ENOSF1: variants seen among roughly 807,000 people sequenced by gnomAD.
The protein encoded by ENOSF1 is mitochondrial enolase superfamily member 1.
A neutral mutation model predicts 68.2 loss-of-function variants in ENOSF1; 73 were observed. The observed-to-expected ratio is 1.07, with a 90% CI of 0.89 to 1.30. ENOSF1 has a LOEUF of 1.30. ENOSF1 is among the 50% of genes most tolerant of loss of function. The pLI, the probability that ENOSF1 is intolerant of heterozygous loss-of-function variation, is 0.00. For synonymous variants in ENOSF1, 223 were observed against 210.4 expected (o/e 1.06, Z -0.52); for missense variants, 589 against 554.5 (o/e 1.06, Z -0.62).
intron 13 of ENOSF1, 36 bp downstream of exon 13, chr18:677,707 T>G: frequency 6.3e-7 from 1 of 1,593,986 alleles, no homozygotes; most frequent in Non-Finnish European, 8.5e-7. Context: ...AGTGGGGAAA[T>G]GAAGGTCTGG....
At chr18:692,605 AAAAAAG>A in intron 5 of ENOSF1, 7 of 746,002 alleles carry the variant, frequency 9.4e-6, no homozygotes, top group Non-Finnish European at 1.1e-5. Context: ...CTAAAAAAAA[AAAAAAG>A]AAAGAAAGAA....
Position 690,612 on chromosome 18 carries a change from T to C in ENOSF1, c.555A>G (p.Gln185=), listed in dbSNP as rs760767442. 6.2e-7 allele frequency: 1 copy of C among 1,613,648 alleles called. No homozygotes were observed. Residue 185 remains glutamine, a synonymous_variant, in exon 8 of 16, where the codon CAA becomes CAG. Transcript: ENST00000647584. ...ACGATGTCGTGTAAGCAGGGTATCC[T>C]TGTGCCAGCATTTGCTTCTCTGTGA... The part of the protein sequence containing the change: ...KKEREKQMLA[Q]GYPAYTTSCA...
At chr18:705,042 T>C (rs1012829662) in intron 2 of ENOSF1, among the ~76,000 whole-genome samples, 13 of 152,182 alleles carry the variant, frequency 8.5e-5, no homozygotes, top group African/African-American at 1.7e-4. Context: ...GCAGTGTCCA[T>C]TGAAAGTTCA....
chr18:686,353 GA>G (rs1262270404), intron 9 of ENOSF1: 5 of 262,494 alleles, frequency 1.9e-5, no homozygotes, highest in Non-Finnish European at 3.7e-5. Context: ...GAGCGGGGCT[GA>G]AAAGGGGTGC....
intron 11 of ENOSF1, among the ~76,000 whole-genome samples, chr18:679,073 A>G (rs923337983): frequency 3.3e-5 from 5 of 152,204 alleles, no homozygotes; most frequent in African/African-American, 9.6e-5. Flanking sequence ...TGGCATAAGG[A>G]CAGGGCTATT....
At chr18:700,694 G>C (rs966732736) in intron 2 of ENOSF1, among the ~76,000 whole-genome samples, 1 of 151,946 alleles carries the variant, frequency 6.6e-6, no homozygotes, top group Non-Finnish European at 1.5e-5. Context: ...AGATCAACCT[G>C]ATCAACATGG....
At position 690,508 on chromosome 18, in the gene ENOSF1, TC is replaced by T. The variant is rs1321467447; in HGVS notation, c.618+40del. On this transcript the variant is annotated intron_variant, in intron 8 of 15. Coordinates refer to ENST00000647584, the MANE Select transcript of ENOSF1 (RefSeq NM_017512.7). ...ACAGAAGGAAAAACAGGTTGGTTTC[TC>T]CCCATTCAGCTGTCTACAAAGCCAG... The T allele has an allele frequency of 1.9e-6, 3 of 1,611,516 alleles. No homozygotes were observed. In the African/African-American group the frequency reaches 4.0e-5, roughly 22 times the overall value.
Position 670,419 on chromosome 18 carries a change from G to A in ENOSF1, c.*3886C>T, listed in dbSNP as rs1011999244. 1 of 365,472 alleles carries A rather than the reference G, an allele frequency of 2.7e-6. No homozygotes were observed. The highest frequency in any genetic ancestry group is 4.9e-6 in the Non-Finnish European group (1 of 202,034). 22.6% of individuals were successfully genotyped at this position (365,472 alleles called of 1,614,324 possible). On this transcript the variant is annotated 3_prime_UTR_variant, in exon 16 of 16. Coordinates refer to ENST00000647584, the MANE Select transcript of ENOSF1 (RefSeq NM_017512.7). Reference sequence around the variant, plus strand: ...ATTCCTGCTGTATTTGTAATCTGGTGCCACGAGGTAGCCCAGATCCCTTCA... The same window carrying A: ...ATTCCTGCTGTATTTGTAATCTGGTACCACGAGGTAGCCCAGATCCCTTCA...
intron 7 of ENOSF1, 43 bp from the exon 8 acceptor site, chr18:690,674 C>T: frequency 7.4e-7 from 1 of 1,354,598 alleles, no homozygotes; most frequent in Non-Finnish European, 1.0e-6. Flanking sequence ...CTTTCCAGGG[C>T]CCTTCGGAAT....
chr18:696,355 G>A (rs1198339993), intron 3 of ENOSF1, among the ~76,000 whole-genome samples: 1 of 151,886 alleles, frequency 6.6e-6, no homozygotes, highest in Non-Finnish European at 1.5e-5. Context: ...GGGACTATAG[G>A]CGCCCGCCAC....
At chr18:678,364 G>A (rs1220151316) in intron 12 of ENOSF1, 2 of 396,442 alleles carry the variant, frequency 5.0e-6, no homozygotes, top group Non-Finnish European at 9.1e-6. Flanking sequence ...AAAAGTGAAC[G>A]CAGTCATGTT....
chr18:677,737 G>A lies in ENOSF1; in HGVS notation c.1048+6C>T, dbSNP rs191308559. Reference sequence around the variant, plus strand: ...GTCTGGTCTGCAGCCGCTGCAGCACGCTTACTTTCAAACTTTTTGGCCATC... The same window carrying A: ...GTCTGGTCTGCAGCCGCTGCAGCACACTTACTTTCAAACTTTTTGGCCATC... On this transcript the variant is annotated splice_donor_region_variant and intron_variant, in intron 13 of 15. Transcript: ENST00000647584. 3.7e-6 allele frequency: 6 copies of A among 1,611,460 alleles called. No individual in the cohort carries two copies. The East Asian group carries it at 8.9e-5, about 24-fold the overall frequency.
chr18:674,780 A>C (rs1207140778), intron 15 of ENOSF1, among the ~76,000 whole-genome samples: 2 of 152,216 alleles, frequency 1.3e-5, no homozygotes, highest in Non-Finnish European at 2.9e-5. Flanking sequence ...TCAGCCTCCC[A>C]AAGTGTTGGG....
At chr18:675,106 T>C (rs1251919584) in intron 15 of ENOSF1, among the ~76,000 whole-genome samples, 1 of 152,238 alleles carries the variant, frequency 6.6e-6, no homozygotes, top group Admixed American at 6.5e-5. Context: ...GAGGAAAGGC[T>C]AGTATTACAG....
intron 8 of ENOSF1, among the ~76,000 whole-genome samples, chr18:689,919 T>C (rs2076981566): frequency 6.6e-6 from 1 of 152,100 alleles, no homozygotes; most frequent in Admixed American, 6.5e-5. Flanking sequence ...AAGGCTGAAT[T>C]GATGGCCAAT....
At chr18:677,655 C>A in intron 13 of ENOSF1, 88 bp downstream of exon 13, 3 of 1,501,736 alleles carry the variant, frequency 2.0e-6, no homozygotes, top group East Asian at 2.3e-5. Flanking sequence ...CTACAGACTC[C>A]CATGCATGTG....
chr18:706,703 G>A (rs1318199630), intron 1 of ENOSF1, 125 bp from the exon 2 acceptor site: 1 of 658,142 alleles, frequency 1.5e-6, no homozygotes, highest in Non-Finnish European at 2.7e-6. Context: ...TCCCATAGAA[G>A]GAACTGTTGC....
At chr18:712,083 TG>T (rs1215662299) in intron 1 of ENOSF1, among the ~76,000 whole-genome samples, 1 of 152,228 alleles carries the variant, frequency 6.6e-6, no homozygotes, top group African/African-American at 2.4e-5. Context: ...AAAATCATTT[TG>T]CTGCTATTGC....
intron 1 of ENOSF1, among the ~76,000 whole-genome samples, chr18:708,397 A>G (rs750687102): frequency 6.6e-6 from 1 of 151,458 alleles, no homozygotes; most frequent in African/African-American, 2.4e-5. Context: ...TAGAACGGGC[A>G]TGCTGGCTCA....
Sources: gnomAD v4.1 joint callset for allele counts (sites outside exome capture counted in the v4.1 genomes callset) on GRCh38, gnomAD v4.1.1 for gene constraint, MANE v1.5 for transcripts, NCBI Gene and HGNC (gene_info 2026-07-23, HGNC 2026-07-21) for gene names.